ARID1B: variants seen among roughly 807,000 people sequenced by gnomAD.
The protein encoded by ARID1B is AT-rich interactive domain-containing protein 1B.
Under a neutral mutation model 212.3 loss-of-function variants are expected in ARID1B, and 30 were observed. The ratio of observed to expected loss-of-function variants is 0.14; its 90% CI spans 0.11 to 0.19. ARID1B has a LOEUF of 0.19. Among genes scored for constraint, ARID1B ranks in the 10% least tolerant of loss-of-function variants. ARID1B has a pLI of 1.00. For synonymous variants in ARID1B, 1,402 were observed against 1,301.7 expected, an observed-to-expected ratio of 1.08 and a Z score of -1.66; for missense variants, 2,891 against 3,204.0, an observed-to-expected ratio of 0.90 and a Z score of 2.36.
intron 5 of ARID1B, among the ~76,000 whole-genome samples, chr6:157,090,506 T>C (rs1024421672): frequency 2.6e-5 from 4 of 152,206 alleles, no homozygotes; most frequent in African/African-American, 7.2e-5. Context: ...AAACACAAAA[T>C]TAGGTCTTCA....
intron 13 of ARID1B, among the ~76,000 whole-genome samples, chr6:157,188,578 G>C (rs1206662283): frequency 6.6e-6 from 1 of 152,202 alleles, no homozygotes; most frequent in Non-Finnish European, 1.5e-5. Context: ...CAATAACATG[G>C]AAAACGTTAT....
rs1051778083 is a variant in ARID1B, at chr6:157,094,630, C to T, written c.2491+9725C>T. ...TTGGCCTCCCAAAGTGCTAGGATTACAGGCGTGAGCCACCGCGCCTGGCCG... is the reference window on the plus strand; with the variant it reads ...TTGGCCTCCCAAAGTGCTAGGATTATAGGCGTGAGCCACCGCGCCTGGCCG... On this transcript the variant is annotated intron_variant, in intron 5 of 19. Coordinates refer to ENST00000636930, the MANE Select transcript of ARID1B (RefSeq NM_001374828.1). This position sits in a 1 kb window ranked among gnomAD's most constrained non-coding sequence, Gnocchi z 4.3. 2.5e-4 allele frequency among the ~76,000 whole-genome samples: 38 copies of T among 152,182 alleles called. No individual in the cohort carries two copies. The highest frequency in any genetic ancestry group is 9.2e-4 in the African/African-American group (38 of 41,452).
chr6:156,945,679 T>G (rs1191544278), intron 4 of ARID1B, among the ~76,000 whole-genome samples: 1 of 152,184 alleles, frequency 6.6e-6, no homozygotes, highest in Non-Finnish European at 1.5e-5. Context: ...AATGGTAATA[T>G]GACACTTCAT....
chr6:156,844,579 T>A (rs538582999), intron 2 of ARID1B, among the ~76,000 whole-genome samples: 39 of 152,352 alleles, frequency 2.6e-4, no homozygotes, highest in African/African-American at 9.1e-4. Context: ...GCCAAAAATC[T>A]AAAGTAATGT....
intron 4 of ARID1B, among the ~76,000 whole-genome samples, chr6:157,079,116 TTAAA>T (rs1784477981): frequency 2.0e-5 from 3 of 152,218 alleles, no homozygotes. Context: ...TTGGACATGA[TTAAA>T]TAAAAAGCGA....
At chr6:156,978,995 A>C (rs1043233938) in intron 4 of ARID1B, among the ~76,000 whole-genome samples, 1 of 152,182 alleles carries the variant, frequency 6.6e-6, no homozygotes. Flanking sequence ...TTTTAATGCT[A>C]TTGAATTGCT....
At chr6:157,183,043 G>A (rs1053062615) in intron 12 of ARID1B, among the ~76,000 whole-genome samples, 3 of 152,108 alleles carry the variant, frequency 2.0e-5, no homozygotes, top group African/African-American at 2.4e-5. Flanking sequence ...GAGACTCTCC[G>A]CGGGCTTATA....
chr6:157,178,269 C>G (rs1418910680), intron 11 of ARID1B, among the ~76,000 whole-genome samples: 1 of 151,748 alleles, frequency 6.6e-6, no homozygotes, highest in Non-Finnish European at 1.5e-5. Context: ...AGTAATCACT[C>G]ATGGAAAAAA....
chr6:157,056,640 T>C (rs1782971594), intron 4 of ARID1B, among the ~76,000 whole-genome samples: 1 of 152,198 alleles, frequency 6.6e-6, no homozygotes, highest in African/African-American at 2.4e-5. Context: ...TTCATAGGCA[T>C]GCAAATAATA....
At chr6:157,018,506 G>T (rs950478741) in intron 4 of ARID1B, among the ~76,000 whole-genome samples, 1 of 152,116 alleles carries the variant, frequency 6.6e-6, no homozygotes, top group Admixed American at 6.5e-5. Flanking sequence ...GAGCCACCGT[G>T]CCCGGCATAA....
intron 4 of ARID1B, among the ~76,000 whole-genome samples, chr6:157,026,035 C>T (rs1044149325): frequency 3.3e-5 from 5 of 152,128 alleles, no homozygotes; most frequent in Non-Finnish European, 7.3e-5. Context: ...AGAGATTGTC[C>T]TGCCTCAGCC....
At chr6:156,932,145 A>AGGGGGGGG (rs61152353) in intron 3 of ARID1B, among the ~76,000 whole-genome samples, 5 of 61,346 alleles carry the variant, frequency 8.2e-5, no homozygotes, top group East Asian at 5.5e-4. Context: ...AAAAAAAAAA[A>AGGGGGGGG]GGGGGGGGGC....
At chr6:157,004,903 T>TTTTTTTTTTTTTTTTTTTTTTTTTTTTTG (rs1562542297) in intron 4 of ARID1B, among the ~76,000 whole-genome samples, 1 of 82,186 alleles carries the variant, frequency 1.2e-5, no homozygotes, top group Non-Finnish European at 2.4e-5. Context: ...TTTTCTTTTT[T>TTTTTTTTTTTTTTTTTTTTTTTTTTTTTG]TTTTTTTTTT....
chr6:157,074,608 A>G (rs1784196233), intron 4 of ARID1B, among the ~76,000 whole-genome samples: 1 of 152,220 alleles, frequency 6.6e-6, no homozygotes, highest in African/African-American at 2.4e-5. Flanking sequence ...GAATTAGGCA[A>G]TATGATGGGC....
intron 4 of ARID1B, among the ~76,000 whole-genome samples, chr6:157,021,446 A>G (rs924005481): frequency 6.6e-6 from 1 of 152,164 alleles, no homozygotes; most frequent in Non-Finnish European, 1.5e-5. Context: ...GTCACACAGC[A>G]GCCCGGCGGC....
At chr6:156,904,652 C>G (rs918244159) in intron 3 of ARID1B, among the ~76,000 whole-genome samples, 32 of 152,348 alleles carry the variant, frequency 2.1e-4, no homozygotes, top group Middle Eastern at 3.4e-3. Context: ...TTTTGCCAAT[C>G]TGGTACAGAT....
chr6:157,033,685 A>G (rs1781151319), intron 4 of ARID1B, among the ~76,000 whole-genome samples: 1 of 152,172 alleles, frequency 6.6e-6, no homozygotes, highest in African/African-American at 2.4e-5. Flanking sequence ...GTGCTTTAGG[A>G]GAGTGAGGAC....
At position 156,935,466 on chromosome 6, in the gene ARID1B, G is replaced by A. The variant is rs1792118559; in HGVS notation, c.2137G>A (p.Asp713Asn). The change falls in exon 4 of 20, where the codon GAC becomes AAC. Residue 713 changes from aspartate to asparagine, a missense_variant and splice_region_variant. Physicochemically the swap from Asp to Asn is conservative, Grantham distance 23. Transcript: ENST00000636930. ...QSQQRYQPQQ[D>N]MSQEGYGTRS... ...GCTTTGTGTTTGTGTTTTTTTTTAG[G>A]ACATGTCTCAGGAAGGCTATGGAAC... 1.2e-6 allele frequency: 2 copies of A among 1,607,370 alleles called. No homozygotes were observed. Among genetic ancestry groups the A allele is most frequent in the South Asian group, 2.2e-5 (2 of 90,178 alleles).
intron 3 of ARID1B, among the ~76,000 whole-genome samples, chr6:156,928,092 C>G (rs284427): frequency 2.5e-4 from 38 of 152,122 alleles, no homozygotes; most frequent in African/African-American, 8.0e-4. Flanking sequence ...CCATGGGACC[C>G]GAGCAGCTGA....
Sources: gnomAD v4.1 joint callset for allele counts (sites outside exome capture counted in the v4.1 genomes callset) on GRCh38, gnomAD v4.1.1 for gene constraint, Gnocchi (gnomAD v3.1) non-coding constraint, MANE v1.5 for transcripts, NCBI Gene and HGNC (gene_info 2026-07-23, HGNC 2026-07-21) for gene names.